The following CBLN2 variants were observed in gnomAD, a reference collection of about 807,000 sequenced individuals.
The protein encoded by CBLN2 is cerebellin-2.
CBLN2 carries 7 observed loss-of-function variants against 15.0 expected under a neutral mutation model. The observed-to-expected ratio is 0.47, with a 90% CI of 0.27 to 0.88. The LOEUF is 0.88. Ranked by LOEUF, CBLN2 falls within the 40% of genes least tolerant of loss-of-function variation. The probability of loss-of-function intolerance (pLI) is 0.14; values close to 1 mark genes in which losing one functional copy is unlikely to be tolerated. For synonymous variants in CBLN2, 149 were observed against 135.2 expected (o/e 1.10, Z -0.71); for missense variants, 242 against 304.5 (o/e 0.79, Z 1.53).
rs777860338 is a variant in CBLN2 at position 72,543,025 on chromosome 18, C to A, written c.-167+461G>T. 1.0e-3 allele frequency: 161 copies of A among 155,604 alleles called. 2 individuals carry two copies. The highest frequency in any genetic ancestry group is 1.8e-3 in the Non-Finnish European group (128 of 70,450). The allele number at this position is 155,604 out of a possible 1,614,324, so 9.6% of individuals were successfully genotyped here. On this transcript the variant is annotated intron_variant, in intron 2 of 4. Coordinates refer to ENST00000269503, the MANE Select transcript of CBLN2 (RefSeq NM_182511.4). The surrounding 1 kb of genome is among the most constrained non-coding windows in gnomAD (Gnocchi z 6.8). ...CACTAGCGAGCCCCCTTGGGTGAAA[C>A]CCCTGGGATTCCTCTCTTAGGCGAA...
At chr18:72,585,254 C>G (rs1385066800) in intron 1 of CBLN2, among the ~76,000 whole-genome samples, 13 of 152,174 alleles carry the variant, frequency 8.5e-5, no homozygotes, top group African/African-American at 2.7e-4. Flanking sequence ...ATGTTTCAGA[C>G]CCATTTGTAT....
intron 1 of CBLN2, among the ~76,000 whole-genome samples, chr18:72,554,965 G>A (rs767834244): frequency 2.0e-5 from 3 of 151,902 alleles, no homozygotes; most frequent in Non-Finnish European, 2.9e-5. Context: ...GTGAAAACCC[G>A]TCTCTATTAA....
At chr18:72,604,754 C>G (rs1045530585) in intron 1 of CBLN2, among the ~76,000 whole-genome samples, 2 of 152,210 alleles carry the variant, frequency 1.3e-5, no homozygotes, top group African/African-American at 2.4e-5. Context: ...CTCCTTGCCA[C>G]GTGATGCCCT....
intron 1 of CBLN2, among the ~76,000 whole-genome samples, chr18:72,559,873 GAC>G (rs1329444145): frequency 1.3e-5 from 2 of 152,204 alleles, no homozygotes; most frequent in Non-Finnish European, 2.9e-5. Flanking sequence ...AGCAAAGAAA[GAC>G]ACAGAGCACC....
intron 1 of CBLN2, among the ~76,000 whole-genome samples, chr18:72,635,083 A>G (rs927877724): frequency 6.6e-6 from 1 of 151,990 alleles, no homozygotes; most frequent in Non-Finnish European, 1.5e-5. Context: ...CAGAGTTCCC[A>G]CTCGGAAAAT....
intron 1 of CBLN2, among the ~76,000 whole-genome samples, chr18:72,572,731 C>T (rs988717132): frequency 5.3e-5 from 8 of 152,066 alleles, no homozygotes; most frequent in African/African-American, 1.9e-4. Flanking sequence ...CTTTTGATGA[C>T]ATAAATCATA....
chr18:72,544,645 A>C (rs916373062), upstream of CBLN2: 2 of 152,054 alleles, frequency 1.3e-5, no homozygotes, highest in African/African-American at 4.8e-5. Context: ...TAATAATGAT[A>C]GCAACCACAA....
At chr18:72,625,698 C>T (rs1311978841) in intron 1 of CBLN2, among the ~76,000 whole-genome samples, 1 of 46,586 alleles carries the variant, frequency 2.1e-5, no homozygotes, top group Non-Finnish European at 3.7e-5. Flanking sequence ...TATAGTATTA[C>T]TATATATATA....
At chr18:72,579,660 A>T (rs2069390068) in intron 1 of CBLN2, among the ~76,000 whole-genome samples, 1 of 152,140 alleles carries the variant, frequency 6.6e-6, no homozygotes, top group Non-Finnish European at 1.5e-5. Context: ...TGAACCTGGG[A>T]GGCAGAGGTT....
upstream of CBLN2, among the ~76,000 whole-genome samples, chr18:72,548,450 G>A (rs1224639055): frequency 1.3e-5 from 2 of 152,264 alleles, no homozygotes; most frequent in South Asian, 2.1e-4. Flanking sequence ...AAGATTCATA[G>A]GACTATTTTG....
intron 1 of CBLN2, among the ~76,000 whole-genome samples, chr18:72,550,185 A>G (rs963823455): frequency 6.6e-6 from 1 of 152,226 alleles, no homozygotes; most frequent in Admixed American, 6.5e-5. Context: ...ATCCCTTGGC[A>G]GGTTTTCTGA....
chr18:72,537,951 C>T lies in CBLN2; in HGVS notation c.*225G>A. The T allele has an allele frequency of 1.7e-6, 1 of 584,560 alleles. No individual in the cohort carries two copies. Among genetic ancestry groups the T allele is most frequent in the Non-Finnish European group, 3.0e-6 (1 of 328,158 alleles). 36.2% of individuals were successfully genotyped at this position (584,560 alleles called of 1,614,324 possible). On this transcript the variant is annotated 3_prime_UTR_variant, in exon 5 of 5. Coordinates refer to ENST00000269503, the MANE Select transcript of CBLN2 (RefSeq NM_182511.4). ...TCGATAATTTCATTTCTCCTTAAGA[C>T]CTTGTCATCTAAAACTAATTAGAGG... is the stretch of plus-strand genomic sequence containing the variant.
chr18:72,538,608 A>G (rs1477536877), intron 4 of CBLN2, 45 bp downstream of exon 4: 4 of 1,609,266 alleles, frequency 2.5e-6, no homozygotes, highest in Non-Finnish European at 3.4e-6. Context: ...GCAATGGGGA[A>G]CTATTAACTC....
At chr18:72,576,555 C>G (rs2069367899) in intron 1 of CBLN2, among the ~76,000 whole-genome samples, 1 of 152,124 alleles carries the variant, frequency 6.6e-6, no homozygotes, top group Non-Finnish European at 1.5e-5. Flanking sequence ...TACGTACTCT[C>G]AATGCTATTA....
intron 1 of CBLN2, among the ~76,000 whole-genome samples, chr18:72,636,230 T>A (rs914849216): frequency 9.9e-5 from 15 of 152,240 alleles, no homozygotes; most frequent in Admixed American, 9.8e-4. Context: ...ACGTAGGTAT[T>A]GAAAATGACC....
chr18:72,566,002 C>A (rs534721195), intron 1 of CBLN2, among the ~76,000 whole-genome samples: 1 of 152,068 alleles, frequency 6.6e-6, no homozygotes, highest in Admixed American at 6.5e-5. Context: ...TTTAAATGAG[C>A]AAAAGAGCTA....
intron 1 of CBLN2, among the ~76,000 whole-genome samples, chr18:72,551,925 A>ATTTGTG (rs1479636151): frequency 3.3e-5 from 5 of 152,088 alleles, no homozygotes; most frequent in Non-Finnish European, 7.4e-5. Flanking sequence ...GAGATTGTAC[A>ATTTGTG]TTTGTGTTGA....
chr18:72,624,336 A>G (rs923154528), intron 1 of CBLN2, among the ~76,000 whole-genome samples: 1 of 151,830 alleles, frequency 6.6e-6, no homozygotes, highest in Admixed American at 6.6e-5. Context: ...CTTCGTTGAG[A>G]TGTTTCACTT....
At chr18:72,637,191 G>A (rs1295060325) in intron 1 of CBLN2, among the ~76,000 whole-genome samples, 1 of 151,744 alleles carries the variant, frequency 6.6e-6, no homozygotes, top group Non-Finnish European at 1.5e-5. Context: ...TTCCGCATAT[G>A]TTTCTATTTT....
Sources: allele counts gnomAD v4.1 joint callset (sites outside exome capture counted in the v4.1 genomes callset), GRCh38; gene constraint gnomAD v4.1.1; non-coding constraint Gnocchi (gnomAD v3.1); transcripts MANE v1.5; gene names NCBI Gene and HGNC (gene_info 2026-07-23, HGNC 2026-07-21).